CATSPERD: variants seen among roughly 807,000 people sequenced by gnomAD.
CATSPERD encodes cation channel sperm-associated auxiliary subunit delta.
A neutral mutation model predicts 98.1 loss-of-function variants in CATSPERD; 86 were observed. That is an observed-to-expected ratio of 0.88 (90% CI 0.74 to 1.05). CATSPERD has a LOEUF of 1.05. Among genes scored for constraint, CATSPERD ranks in the 50% least tolerant of loss-of-function variants. The pLI is 0.00. For synonymous variants in CATSPERD, 394 were observed against 390.2 expected, an observed-to-expected ratio of 1.01 and a Z score of -0.12; for missense variants, 995 against 1,005.7, an observed-to-expected ratio of 0.99 and a Z score of 0.14.
intron 1 of CATSPERD, among the ~76,000 whole-genome samples, chr19:5,723,226 T>A (rs73544724): frequency 6.6e-6 from 1 of 150,886 alleles, no homozygotes; most frequent in Non-Finnish European, 1.5e-5. Flanking sequence ...AAAAGAAATT[T>A]TCAGAAATCA....
intron 20 of CATSPERD, among the ~76,000 whole-genome samples, chr19:5,773,930 C>T (rs2056694665): frequency 6.6e-6 from 1 of 151,428 alleles, no homozygotes; most frequent in Non-Finnish European, 1.5e-5. Flanking sequence ...GCAGCAAAGC[C>T]ACCAGCAGAT....
chr19:5,734,960 G>T (rs1300204132), intron 5 of CATSPERD, among the ~76,000 whole-genome samples: 1 of 152,066 alleles, frequency 6.6e-6, no homozygotes, highest in Non-Finnish European at 1.5e-5. Context: ...CTAGGGGACG[G>T]TAGAGAAGGT....
chr19:5,736,955 G>A (rs2055858982), intron 5 of CATSPERD, among the ~76,000 whole-genome samples, 183 bp from the exon 6 acceptor site: 1 of 151,966 alleles, frequency 6.6e-6, no homozygotes, highest in African/African-American at 2.4e-5. Context: ...TACTCAGGAG[G>A]CTGAGGCAGG....
chr19:5,764,343 TC>T (rs1405352060), intron 16 of CATSPERD, among the ~76,000 whole-genome samples: 4 of 151,920 alleles, frequency 2.6e-5, no homozygotes, highest in Admixed American at 6.6e-5. Context: ...TGAGACGGAG[TC>T]TCACTCTGTC....
intron 3 of CATSPERD, 21 bp downstream of exon 3, chr19:5,727,365 CT>C: frequency 6.8e-7 from 1 of 1,462,154 alleles, no homozygotes; most frequent in Non-Finnish European, 9.6e-7. Context: ...ATTTTATGTA[CT>C]GTTACCTTCC....
At chr19:5,725,682 C>T (rs1599503861) in intron 2 of CATSPERD, among the ~76,000 whole-genome samples, 1 of 151,942 alleles carries the variant, frequency 6.6e-6, no homozygotes. Flanking sequence ...CGGGCGGATC[C>T]CTGAGGTCAG....
At position 5,771,078 on chromosome 19, in the gene CATSPERD, AC is replaced by A. The variant is rs754472475; in HGVS notation, c.1763+10del. 3 of 1,611,480 alleles carry A rather than the reference AC, an allele frequency of 1.9e-6. No individual in the cohort carries two copies. The highest frequency in any genetic ancestry group is 2.5e-6 in the Non-Finnish European group (3 of 1,179,036). On this transcript the variant is annotated splice_region_variant and intron_variant, in intron 19 of 21. Coordinates refer to ENST00000381624, the MANE Select transcript of CATSPERD (RefSeq NM_152784.4). ...TGGAAGCCCGTGGTGGAGCTGTAAGACCCCAGGGGGGTGCTGCAGGGTGGGG... is the reference window on the plus strand; with the variant it reads ...TGGAAGCCCGTGGTGGAGCTGTAAGACCCAGGGGGGTGCTGCAGGGTGGGG...
chr19:5,749,202 G>C lies in CATSPERD; in HGVS notation c.987+19G>C, dbSNP rs1210914867. ...AATCAAAGTAGGTAAAAAGAAAGTG[G>C]GGTTATGGGCTGGGCACGGTGGTTC... On this transcript the variant is annotated intron_variant, in intron 11 of 21. Transcript: ENST00000381624. 1 of 1,592,486 alleles carries C rather than the reference G, an allele frequency of 6.3e-7. No homozygotes were observed. The highest frequency in any genetic ancestry group is 1.1e-5 in the South Asian group (1 of 90,022).
At chr19:5,768,810 G>C (rs755148586) in intron 18 of CATSPERD, among the ~76,000 whole-genome samples, 1 of 152,066 alleles carries the variant, frequency 6.6e-6, no homozygotes, top group Non-Finnish European at 1.5e-5. Flanking sequence ...GCCCATACGA[G>C]AGTCTGGGCC....
chr19:5,752,257 C>T (rs1056270289), intron 12 of CATSPERD, among the ~76,000 whole-genome samples: 22 of 151,726 alleles, frequency 1.4e-4, no homozygotes, highest in African/African-American at 5.1e-4. Flanking sequence ...TGCAATGAGC[C>T]GAGATCACAC....
At chr19:5,727,514 G>A (rs1599506946) in intron 3 of CATSPERD, among the ~76,000 whole-genome samples, 170 bp downstream of exon 3, 1 of 152,150 alleles carries the variant, frequency 6.6e-6, no homozygotes, top group African/African-American at 2.4e-5. Context: ...GGGAAATGAA[G>A]AGATCAGCCA....
chr19:5,744,435 C>T lies in CATSPERD; in HGVS notation c.582C>T (p.Ile194=). 1 of 1,611,210 alleles carries T rather than the reference C, an allele frequency of 6.2e-7. No individual in the cohort carries two copies. Among genetic ancestry groups the T allele is most frequent in the Non-Finnish European group, 8.5e-7 (1 of 1,178,156 alleles). The change falls in exon 8 of 22, where the codon ATC becomes ATT. Residue 194 remains isoleucine (I), a synonymous_variant. Coordinates refer to ENST00000381624, the MANE Select transcript of CATSPERD (RefSeq NM_152784.4). ...WKYHYDRQAE[I]IGSLGGIFHF... ...TTCTGTTTGTTTCATAGGCAGAAAT[C>T]ATTGGGTCTTTAGGCGGAATCTTCC...
At position 5,746,052 on chromosome 19, in the gene CATSPERD, C is replaced by T; in HGVS notation, c.797C>T (p.Ser266Phe). The change falls in exon 9 of 22, where the codon TCC becomes TTC. Residue 266 changes from serine (S) to phenylalanine (F), a missense_variant. By Grantham distance (155) the Ser-to-Phe change is radical. Coordinates refer to ENST00000381624, the MANE Select transcript of CATSPERD (RefSeq NM_152784.4). ...TGGTTTGAGAACAGCCTGTTGTTTT[C>T]CCATAATGCAGGTGAGCCCAGGGGC... ...LLWFENSLLF[S>F]HNAGQLVDTV... 6.2e-7 allele frequency: 1 copy of T among 1,613,916 alleles called. No individual in the cohort carries two copies. Among genetic ancestry groups the T allele is most frequent in the Non-Finnish European group, 8.5e-7 (1 of 1,180,018 alleles).
At chr19:5,760,429 G>A (rs1056825395) in intron 15 of CATSPERD, among the ~76,000 whole-genome samples, 11 of 151,220 alleles carry the variant, frequency 7.3e-5, no homozygotes, top group Admixed American at 1.3e-4. Context: ...GAATCCTGAC[G>A]CAAGATACAG....
intron 13 of CATSPERD, among the ~76,000 whole-genome samples, chr19:5,756,202 A>T (rs543846299): frequency 6.6e-6 from 1 of 151,694 alleles, no homozygotes; most frequent in Non-Finnish European, 1.5e-5. Flanking sequence ...AATCACTTGA[A>T]TCTGGGAGGT....
At chr19:5,746,148 G>A (rs367882733) in intron 9 of CATSPERD, 85 bp downstream of exon 9, 10 of 1,446,460 alleles carry the variant, frequency 6.9e-6, no homozygotes, top group East Asian at 4.5e-5. Context: ...GGGAGGGGAA[G>A]GAGCAACCCC....
chr19:5,746,694 A>C (rs1216995755), intron 9 of CATSPERD, among the ~76,000 whole-genome samples: 2 of 152,062 alleles, frequency 1.3e-5, no homozygotes, highest in Non-Finnish European at 2.9e-5. Flanking sequence ...CGGCCTCCCA[A>C]AGTGCTGGGA....
intron 21 of CATSPERD, among the ~76,000 whole-genome samples, chr19:5,776,575 G>A (rs867546968): frequency 3.3e-5 from 5 of 152,160 alleles, no homozygotes; most frequent in South Asian, 4.1e-4. Context: ...CACCTGAGTC[G>A]CCCTCTCCTA....
intron 1 of CATSPERD, 111 bp from the exon 2 acceptor site, chr19:5,724,697 C>G (rs1483850842): frequency 2.8e-6 from 3 of 1,077,736 alleles, no homozygotes; most frequent in African/African-American, 3.1e-5. Flanking sequence ...AGACTCCGTC[C>G]CCCCCAAAAA....
Sources: gnomAD v4.1 joint callset for allele counts (sites outside exome capture counted in the v4.1 genomes callset) on GRCh38, gnomAD v4.1.1 for gene constraint, MANE v1.5 for transcripts, NCBI Gene and HGNC (gene_info 2026-07-23, HGNC 2026-07-21) for gene names.